GPBP1L1: variants seen among roughly 807,000 people sequenced by gnomAD.
The protein encoded by GPBP1L1 is GC-rich promoter binding protein 1 like 1, also known as vasculin-like protein 1.
GPBP1L1 carries 23 observed loss-of-function variants against 52.5 expected under a neutral mutation model. The ratio of observed to expected loss-of-function variants is 0.44; its 90% confidence interval spans 0.32 to 0.62. The LOEUF is 0.62. GPBP1L1 is among the 20% of genes least tolerant of loss of function. The pLI, the probability that GPBP1L1 is intolerant of heterozygous loss-of-function variation, is 0.06. For missense variants in GPBP1L1, 596 were observed against 579.3 expected, an observed-to-expected ratio of 1.03 and a Z score of -0.30; for synonymous variants, 243 against 203.1, an observed-to-expected ratio of 1.20 and a Z score of -1.67.
chr1:45,684,388 A>G (rs1645253847), intron 2 of GPBP1L1, among the ~76,000 whole-genome samples: 1 of 152,156 alleles, frequency 6.6e-6, no homozygotes, highest in Non-Finnish European at 1.5e-5. Flanking sequence ...AAGATATGCA[A>G]TCTTCTGAAG....
At chr1:45,667,702 C>A (rs531838143) in intron 2 of GPBP1L1, among the ~76,000 whole-genome samples, 62 of 152,250 alleles carry the variant, frequency 4.1e-4, no homozygotes, top group Admixed American at 2.0e-3. Context: ...TTAAAACAAA[C>A]CCCCTTCCTA....
In GPBP1L1 at chr1:45,654,822, C is replaced by A. The variant is rs1469665735; in HGVS notation, c.198G>T (p.Trp66Cys). ...NGPLRTAGDSWHQPSLFRHDS... is the reference protein window; with the variant it reads ...NGPLRTAGDSCHQPSLFRHDS... The stretch of plus-strand genomic sequence containing the variant: ...CATGGCGGAACAGGGAGGGCTGGTG[C>A]CAAGAATCTAGAATAGTAAAGAAAA... Residue 66 changes from tryptophan (W) to cysteine (C), a missense_variant, in exon 6 of 13, where the codon TGG becomes TGT. Transcript: ENST00000355105. The A allele has an allele frequency of 1.2e-6, 2 of 1,613,640 alleles. No homozygotes were observed. Among genetic ancestry groups the A allele is most frequent in the African/African-American group, 1.3e-5 (1 of 75,012 alleles).
chr1:45,642,599 A>G, intron 6 of GPBP1L1, 100 bp from the exon 7 acceptor site: 1 of 797,006 alleles, frequency 1.3e-6, no homozygotes, highest in South Asian at 1.5e-5. Flanking sequence ...ATAATTACAT[A>G]TTTTACATAT....
intron 2 of GPBP1L1, among the ~76,000 whole-genome samples, chr1:45,663,644 G>T (rs1644974170): frequency 6.6e-6 from 1 of 152,086 alleles, no homozygotes; most frequent in South Asian, 2.1e-4. Flanking sequence ...TAATCAAACA[G>T]AACAAATAAA....
intron 4 of GPBP1L1, chr1:45,658,763 C>G (rs1471547532): frequency 4.5e-6 from 2 of 439,840 alleles, no homozygotes; most frequent in Non-Finnish European, 8.1e-6. Context: ...AATTCCATCT[C>G]TATAAAACAA....
intron 2 of GPBP1L1, among the ~76,000 whole-genome samples, chr1:45,664,340 G>A (rs1027899024): frequency 6.6e-6 from 1 of 150,808 alleles, no homozygotes; most frequent in Non-Finnish European, 1.5e-5. Context: ...GCCGGGCGTG[G>A]TGGCTCACGA....
At chr1:45,641,900 C>G (rs1644679603) in intron 7 of GPBP1L1, 1 of 151,322 alleles carries the variant, frequency 6.6e-6, no homozygotes, top group African/African-American at 2.4e-5. Context: ...AATCTGCTTC[C>G]ATGTTGGCTA....
At position 45,640,222 on chromosome 1, in the gene GPBP1L1, T is replaced by C. The variant is rs758360974; in HGVS notation, c.732A>G (p.Pro244=). 6.2e-7 allele frequency: 1 copy of C among 1,612,956 alleles called. No homozygotes were observed. The highest frequency in any genetic ancestry group is 1.3e-5 in the African/African-American group (1 of 74,850). Reference sequence around the variant, plus strand: ...TTCTAAATCATACCTTGGAAGGAGGTGGTACAGGCTTAGGAACCAGGTTCT... The same window carrying C: ...TTCTAAATCATACCTTGGAAGGAGGCGGTACAGGCTTAGGAACCAGGTTCT... ...VYKNLVPKPV[P]PPSKPNAWKA... The change falls in exon 8 of 13, where the codon CCA becomes CCG. Residue 244 remains proline, a synonymous_variant. Transcript: ENST00000355105.
At chr1:45,656,838 G>T (rs1644890764) in intron 4 of GPBP1L1, among the ~76,000 whole-genome samples, 1 of 140,356 alleles carries the variant, frequency 7.1e-6, no homozygotes, top group Non-Finnish European at 1.6e-5. Flanking sequence ...CCTAGTTTTT[G>T]TTGTTGTTTT....
At chr1:45,684,619 TAA>T (rs1299940023) in intron 2 of GPBP1L1, among the ~76,000 whole-genome samples, 2 of 152,132 alleles carry the variant, frequency 1.3e-5, no homozygotes, top group Admixed American at 1.3e-4. Context: ...AGAGCTCTGA[TAA>T]AGACACCATC....
chr1:45,655,137 C>T, intron 5 of GPBP1L1, 53 bp downstream of exon 5: 1 of 1,609,028 alleles, frequency 6.2e-7, no homozygotes, highest in Non-Finnish European at 8.5e-7. Context: ...ACAGCCTGGG[C>T]TTGTCCTAAA....
chr1:45,660,494 T>C lies in GPBP1L1; in HGVS notation c.-366A>G. 1.0e-6 allele frequency: 1 copy of C among 982,542 alleles called. No homozygotes were observed. The highest frequency in any genetic ancestry group is 1.2e-6 in the Non-Finnish European group (1 of 827,312). The allele number at this position is 982,542 out of a possible 1,614,324, so 60.9% of individuals were successfully genotyped here. A position where few individuals can be genotyped will look rare whatever the true frequency, so the allele number is the denominator to read the frequency against. Reference sequence around the variant, plus strand: ...GGAAAGAGCTGTATCTATGTTCACCTCATTCAACTTCCTTGAGTTATGGCA... The same window carrying C: ...GGAAAGAGCTGTATCTATGTTCACCCCATTCAACTTCCTTGAGTTATGGCA... On this transcript the variant is annotated 5_prime_UTR_variant, in exon 3 of 13. Coordinates refer to ENST00000355105, the MANE Select transcript of GPBP1L1 (RefSeq NM_021639.5).
chr1:45,674,441 A>G (rs1246822785), intron 2 of GPBP1L1, among the ~76,000 whole-genome samples: 1 of 152,254 alleles, frequency 6.6e-6, no homozygotes, highest in African/African-American at 2.4e-5. Flanking sequence ...GAGAGCAGCA[A>G]TGAGTGACAA....
intron 2 of GPBP1L1, among the ~76,000 whole-genome samples, chr1:45,674,214 T>C (rs1401961753): frequency 3.9e-5 from 6 of 152,198 alleles, no homozygotes; most frequent in Non-Finnish European, 7.3e-5. Context: ...CAAACCTGGA[T>C]TACATCAAGC....
chr1:45,669,701 G>C (rs537957804), intron 2 of GPBP1L1, among the ~76,000 whole-genome samples: 15 of 152,050 alleles, frequency 9.9e-5, no homozygotes, highest in Non-Finnish European at 1.8e-4. Context: ...TACAATCTGT[G>C]TATTCCACAA....
At chr1:45,687,235 G>A (rs955066144), upstream of GPBP1L1, 1 of 152,302 alleles carries the variant, frequency 6.6e-6, no homozygotes, top group African/African-American at 2.4e-5. Context: ...GAGAGCCTGC[G>A]CTTGCGACAG....
At chr1:45,631,330 T>C (rs1466806237) in intron 10 of GPBP1L1, among the ~76,000 whole-genome samples, 1 of 152,172 alleles carries the variant, frequency 6.6e-6, no homozygotes, top group African/African-American at 2.4e-5. Context: ...TGGCGCGATC[T>C]CGGCTCACTG....
intron 4 of GPBP1L1, 101 bp from the exon 5 acceptor site, chr1:45,655,420 A>C (rs1644873472): frequency 1.5e-6 from 2 of 1,300,098 alleles, no homozygotes; most frequent in East Asian, 2.3e-5. Flanking sequence ...ACAAGTAATA[A>C]TGGTGATAGA....
At chr1:45,648,986 C>T (rs1471871258) in intron 6 of GPBP1L1, among the ~76,000 whole-genome samples, 36 of 152,180 alleles carry the variant, frequency 2.4e-4, no homozygotes, top group African/African-American at 8.7e-4. Flanking sequence ...GCCAAGATCG[C>T]GCCATTGCAC....
Sources: allele counts gnomAD v4.1 joint callset (sites outside exome capture counted in the v4.1 genomes callset), GRCh38; gene constraint gnomAD v4.1.1; transcripts MANE v1.5; gene names NCBI Gene and HGNC (gene_info 2026-07-23, HGNC 2026-07-21).